The following DOCK7 variants were observed in gnomAD, a reference collection of about 807,000 sequenced individuals.
The protein encoded by DOCK7 is dedicator of cytokinesis 7.
DOCK7 carries 138 observed loss-of-function variants against 271.0 expected under a neutral mutation model. The observed-to-expected ratio is 0.51, with a 90% CI of 0.44 to 0.59. DOCK7 has a LOEUF of 0.59. DOCK7 is among the 20% of genes least tolerant of loss of function. The pLI, the probability that DOCK7 is intolerant of heterozygous loss-of-function variation, is 0.00. For synonymous variants in DOCK7, 823 were observed against 876.1 expected, an observed-to-expected ratio of 0.94 and a Z score of 1.07; for missense variants, 2,066 against 2,592.4, an observed-to-expected ratio of 0.80 and a Z score of 4.41.
intron 8 of DOCK7, among the ~76,000 whole-genome samples, 185 bp downstream of exon 8, chr1:62,636,352 A>G (rs931082953): frequency 3.7e-4 from 56 of 152,210 alleles, no homozygotes; most frequent in African/African-American, 1.3e-3. Context: ...TGAAACAATA[A>G]CCTGTTTTCA....
Position 62,457,591 on chromosome 1 carries a change from G to C in DOCK7, c.6327C>G (p.Ile2109Met). ...HRLKEALQPL[I>M]NRKIPQLYKA... ...TGTATAACTGAGGGATCTTTCTGTT[G>C]ATCAGTGGCTGTAGGGCCTCTTTAA... Residue 2109 changes from isoleucine (I) to methionine (M), a missense_variant, in exon 49 of 50, where the codon ATC becomes ATG. This residue lies in a region of DOCK7 where 652 missense variants were observed against 922.1 expected (regional missense o/e 0.71). Coordinates refer to ENST00000635253, the MANE Select transcript of DOCK7 (RefSeq NM_001367561.1). The C allele has an allele frequency of 6.2e-7, 1 of 1,614,126 alleles. No individual in the cohort carries two copies. Among genetic ancestry groups the C allele is most frequent in the Non-Finnish European group, 8.5e-7 (1 of 1,180,024 alleles).
At chr1:62,456,617 A>G (rs1339719597) in intron 49 of DOCK7, among the ~76,000 whole-genome samples, 1 of 152,202 alleles carries the variant, frequency 6.6e-6, no homozygotes, top group African/African-American at 2.4e-5. Context: ...AAAGTAGATC[A>G]TAGAGGACGG....
intron 48 of DOCK7, among the ~76,000 whole-genome samples, chr1:62,468,106 A>T (rs1479905352): frequency 2.6e-5 from 4 of 152,156 alleles, no homozygotes; most frequent in Admixed American, 6.5e-5. Flanking sequence ...CACGCCTGTA[A>T]TTCCAGCACT....
chr1:62,643,905 T>C (rs765701023), intron 7 of DOCK7, among the ~76,000 whole-genome samples: 7 of 152,040 alleles, frequency 4.6e-5, no homozygotes, highest in Non-Finnish European at 8.8e-5. Flanking sequence ...ATAATTTTAA[T>C]TATAAAATCT....
At chr1:62,516,534 G>T (rs530561331) in intron 31 of DOCK7, among the ~76,000 whole-genome samples, 17 of 152,266 alleles carry the variant, frequency 1.1e-4, no homozygotes, top group Admixed American at 1.0e-3. Context: ...AAAACAGAAA[G>T]AATTGTTTCA....
Position 62,648,421 on chromosome 1 carries a change from A to C in DOCK7, c.513T>G (p.Asp171Glu), listed in dbSNP as rs1245720882. Residue 171 changes from aspartate (D) to glutamate (E), a missense_variant, in exon 5 of 50, where the codon GAT (aspartate) becomes GAG (glutamate). Asp to Glu is a conservative substitution (Grantham distance 45). Around this residue, in one of 2 missense-constraint regions of DOCK7, gnomAD observed 1,414 missense variants for 1,670.4 expected, o/e 0.85. Coordinates refer to ENST00000635253, the MANE Select transcript of DOCK7 (RefSeq NM_001367561.1). Reference sequence around the variant, plus strand: ...TTAAGAATAAAAGTATTACTTGATCATCCTGGTAGCTGTTGCCATCTGGAG... The same window carrying C: ...TTAAGAATAAAAGTATTACTTGATCCTCCTGGTAGCTGTTGCCATCTGGAG... The part of the protein sequence containing the change: ...DEAPDGNSYQ[D>E]DQDDLKRRSM... The C allele has an allele frequency of 3.3e-6, 5 of 1,524,084 alleles. No homozygotes were observed. Among genetic ancestry groups the C allele is most frequent in the Admixed American group, 2.0e-5 (1 of 50,942 alleles). 94.4% of individuals were successfully genotyped at this position (1,524,084 alleles called of 1,614,324 possible). A position where few individuals can be genotyped will look rare whatever the true frequency, so the allele number is the denominator to read the frequency against.
In DOCK7 at chr1:62,539,408, AAT is replaced by A. The variant is rs555799632; in HGVS notation, c.3300+135_3300+136del. The A allele has an allele frequency of 2.6e-4, 181 of 694,380 alleles. 1 individual carries two copies. The African/African-American group carries it at 3.1e-3, about 12-fold the overall frequency. The allele number at this position is 694,380 out of a possible 1,614,324, so 43.0% of individuals were successfully genotyped here. ...AATTTACTTTTGCCTTGCTAATAAA[AAT>A]ATGTTACTTTGGCTACTTTTTGTTT... On this transcript the variant is annotated intron_variant, in intron 27 of 49. Transcript: ENST00000635253.
At chr1:62,577,474 CA>C in intron 17 of DOCK7, 111 bp from the exon 18 acceptor site, 1 of 527,472 alleles carries the variant, frequency 1.9e-6, no homozygotes, top group Non-Finnish European at 3.2e-6. Context: ...TATCATCAAA[CA>C]TTAAGGGATT....
chr1:62,522,301 C>T (rs1214639593), intron 31 of DOCK7, among the ~76,000 whole-genome samples: 1 of 151,914 alleles, frequency 6.6e-6, no homozygotes, highest in African/African-American at 2.4e-5. Context: ...TATACAAATC[C>T]TAACAAAATA....
chr1:62,645,354 T>C (rs998387076), intron 7 of DOCK7, among the ~76,000 whole-genome samples: 9 of 151,332 alleles, frequency 5.9e-5, no homozygotes, highest in Non-Finnish European at 1.2e-4. Flanking sequence ...GAAAAAGAAA[T>C]GGTAGTACTG....
intron 43 of DOCK7, chr1:62,485,358 A>G (rs754697191): frequency 2.1e-4 from 202 of 985,246 alleles, no homozygotes; most frequent in Non-Finnish European, 2.3e-4. Context: ...ACACACACAC[A>G]CACCCTTCTA....
chr1:62,584,612 CT>C (rs35147111), intron 15 of DOCK7: 2 of 1,274,090 alleles, frequency 1.6e-6, no homozygotes, highest in East Asian at 3.2e-5. Context: ...GACAGTGTTC[CT>C]TTTTTGACCA....
chr1:62,472,783 C>G (rs921101951), intron 48 of DOCK7, among the ~76,000 whole-genome samples: 25 of 152,326 alleles, frequency 1.6e-4, no homozygotes, highest in African/African-American at 6.0e-4. Flanking sequence ...TAAATACTTG[C>G]TTTCCTTCTG....
chr1:62,615,624 C>G (rs1316116645), intron 14 of DOCK7, among the ~76,000 whole-genome samples: 3 of 151,656 alleles, frequency 2.0e-5, no homozygotes, highest in African/African-American at 7.2e-5. Context: ...AGGAGTAACT[C>G]TAATCTTTAT....
At chr1:62,582,984 A>C (rs1647183195) in intron 16 of DOCK7, among the ~76,000 whole-genome samples, 200 bp downstream of exon 16, 2 of 152,262 alleles carry the variant, frequency 1.3e-5, no homozygotes, top group African/African-American at 4.8e-5. Flanking sequence ...TCGATAGAAA[A>C]GATGTTTGGT....
At chr1:62,464,065 T>C (rs1645605437) in intron 48 of DOCK7, among the ~76,000 whole-genome samples, 1 of 152,038 alleles carries the variant, frequency 6.6e-6, no homozygotes, top group Admixed American at 6.5e-5. Context: ...TAAAAGCCAT[T>C]TTCTTTTTTT....
rs1291188520 is a variant in DOCK7, at chr1:62,591,266, C to G, written c.1683-4642G>C. Among the ~76,000 whole-genome samples, 2 of 152,116 alleles carry G rather than the reference C, an allele frequency of 1.3e-5. 1 individual carries two copies. Among genetic ancestry groups the G allele is most frequent in the South Asian group, 4.1e-4 (2 of 4,824 alleles). ...TGCAGGAAGAGAAAACCAAATACTG[C>G]ATGTTCTCACTTAGAAGTTGTAGCT... is the stretch of plus-strand genomic sequence containing the variant. On this transcript the variant is annotated intron_variant, in intron 14 of 49. Transcript: ENST00000635253.
chr1:62,591,267 A>G lies in DOCK7; in HGVS notation c.1683-4643T>C, dbSNP rs1648402189. 2.6e-5 allele frequency among the ~76,000 whole-genome samples: 4 copies of G among 152,216 alleles called. No homozygotes were observed. The South Asian group carries it at 8.3e-4, about 31-fold the overall frequency. On this transcript the variant is annotated intron_variant, in intron 14 of 49. Coordinates refer to ENST00000635253, the MANE Select transcript of DOCK7 (RefSeq NM_001367561.1). ...GCAGGAAGAGAAAACCAAATACTGC[A>G]TGTTCTCACTTAGAAGTTGTAGCTA...
At chr1:62,677,669 T>C (rs572775922) in intron 1 of DOCK7, among the ~76,000 whole-genome samples, 7 of 151,874 alleles carry the variant, frequency 4.6e-5, no homozygotes, top group Admixed American at 1.3e-4. Context: ...TCTGAAGAAA[T>C]TGAATTGACT....
Sources: gnomAD v4.1 joint callset for allele counts (sites outside exome capture counted in the v4.1 genomes callset) on GRCh38, gnomAD v4.1.1 for gene constraint, gnomAD v4.1.1 regional missense constraint, MANE v1.5 for transcripts, NCBI Gene and HGNC (gene_info 2026-07-23, HGNC 2026-07-21) for gene names.